Variants in AGBL1 observed in about 807,000 individuals in gnomAD.
AGBL1 encodes cytosolic carboxypeptidase 4.
Under a neutral mutation model 118.9 loss-of-function variants are expected in AGBL1, and 130 were observed. The observed-to-expected ratio is 1.09, with a 90% confidence interval of 0.95 to 1.26. The LOEUF (loss-of-function observed/expected upper bound fraction) is 1.26. AGBL1 is among the 50% of genes most tolerant of loss of function. The pLI is 0.00. For missense variants in AGBL1, 1,584 were observed against 1,298.1 expected (o/e 1.22, Z -3.38); for synonymous variants, 555 against 478.9 (o/e 1.16, Z -2.08).
chr15:86,433,925 C>G (rs1006155200), intron 18 of AGBL1, among the ~76,000 whole-genome samples: 6 of 152,168 alleles, frequency 3.9e-5, no homozygotes, highest in African/African-American at 1.4e-4. Flanking sequence ...TTTACAGAAA[C>G]AAAAGCTATT....
At chr15:86,176,325 C>T (rs946172967) in intron 5 of AGBL1, among the ~76,000 whole-genome samples, 2 of 152,174 alleles carry the variant, frequency 1.3e-5, no homozygotes, top group African/African-American at 2.4e-5. Context: ...GGCTTGTCTT[C>T]AGGCCCCAGG....
intron 24 of AGBL1, among the ~76,000 whole-genome samples, chr15:87,012,946 T>TTTGAC (rs1362851012): frequency 6.6e-6 from 1 of 152,178 alleles, no homozygotes; most frequent in African/African-American, 2.4e-5. Context: ...ATATTTTGTC[T>TTTGAC]TTGACTTGGA....
chr15:86,491,667 G>C (rs2082780461), intron 18 of AGBL1, among the ~76,000 whole-genome samples: 2 of 152,006 alleles, frequency 1.3e-5, no homozygotes, highest in South Asian at 4.1e-4. Flanking sequence ...GGGGTAGAGA[G>C]GTTGATTGGA....
intron 17 of AGBL1, chr15:86,312,254 T>C (rs2079932316): frequency 6.6e-6 from 1 of 152,196 alleles, no homozygotes; most frequent in Non-Finnish European, 1.5e-5. Context: ...CAATTTCCAA[T>C]TTGTTGGTGG....
chr15:87,013,279 G>C (rs1004482123), intron 24 of AGBL1, among the ~76,000 whole-genome samples: 2 of 152,062 alleles, frequency 1.3e-5, no homozygotes, highest in African/African-American at 4.8e-5. Flanking sequence ...AGACAGGAAG[G>C]CTGGATGAAA....
At chr15:86,719,873 A>C (rs547987241) in intron 22 of AGBL1, among the ~76,000 whole-genome samples, 2 of 152,154 alleles carry the variant, frequency 1.3e-5, no homozygotes, top group Non-Finnish European at 2.9e-5. Context: ...TGTGTGTTCA[A>C]TGTCCAGCAC....
At chr15:86,548,619 G>A (rs1461349764) in intron 20 of AGBL1, among the ~76,000 whole-genome samples, 2 of 149,384 alleles carry the variant, frequency 1.3e-5, no homozygotes, top group African/African-American at 4.9e-5. Flanking sequence ...ATCAAGAAAT[G>A]CAGTTTTACC....
At chr15:87,001,775 C>A (rs6496385) in intron 24 of AGBL1, among the ~76,000 whole-genome samples, 1 of 151,898 alleles carries the variant, frequency 6.6e-6, no homozygotes, top group Non-Finnish European at 1.5e-5. Flanking sequence ...GCATAAATGT[C>A]GTCTTTTGAG....
chr15:86,826,612 A>T (rs1011201616), intron 22 of AGBL1, among the ~76,000 whole-genome samples: 11 of 152,096 alleles, frequency 7.2e-5, no homozygotes, highest in Non-Finnish European at 1.0e-4. Flanking sequence ...CTAAAATTTC[A>T]GGTTTTAAAA....
intron 10 of AGBL1, among the ~76,000 whole-genome samples, chr15:86,263,751 T>A (rs2079029573): frequency 6.6e-6 from 1 of 152,204 alleles, no homozygotes; most frequent in Admixed American, 6.5e-5. Context: ...TTGATCTCCA[T>A]TATTTTCTTA....
At chr15:86,841,808 T>C (rs555796664) in intron 22 of AGBL1, among the ~76,000 whole-genome samples, 8 of 152,108 alleles carry the variant, frequency 5.3e-5, no homozygotes, top group Middle Eastern at 3.4e-3. Flanking sequence ...GATGGCACCA[T>C]TGCACTCCAG....
intron 22 of AGBL1, among the ~76,000 whole-genome samples, chr15:86,876,399 G>C (rs1441817483): frequency 1.3e-5 from 2 of 152,064 alleles, no homozygotes; most frequent in Non-Finnish European, 2.9e-5. Flanking sequence ...TGGGAGCCAG[G>C]GGACTGGAGG....
intron 5 of AGBL1, among the ~76,000 whole-genome samples, chr15:86,200,550 ACCC>A (rs60352336): frequency 0.21 from 14,964 of 72,586 alleles, 1,373 homozygotes; most frequent in East Asian, 0.35. Context: ...ATAGACCCCT[ACCC>A]CCCCCCCCCT....
chr15:86,826,948 G>A (rs190928482), intron 22 of AGBL1, among the ~76,000 whole-genome samples: 15 of 151,990 alleles, frequency 9.9e-5, no homozygotes, highest in African/African-American at 3.6e-4. Flanking sequence ...TAATCTGGAT[G>A]TCTCAACCTG....
intron 19 of AGBL1, among the ~76,000 whole-genome samples, chr15:86,529,844 T>C (rs1381312150): frequency 6.8e-6 from 1 of 147,836 alleles, no homozygotes; most frequent in Non-Finnish European, 1.5e-5. Context: ...CAGAATTTCA[T>C]ATCCAGCCAA....
At chr15:86,182,364 A>G (rs146171702) in intron 5 of AGBL1, among the ~76,000 whole-genome samples, 1 of 151,852 alleles carries the variant, frequency 6.6e-6, no homozygotes, top group African/African-American at 2.4e-5. Flanking sequence ...TTTGTTTACA[A>G]CCTGAATAAT....
chr15:86,872,589 A>G (rs1160226633), intron 22 of AGBL1, among the ~76,000 whole-genome samples: 1 of 152,040 alleles, frequency 6.6e-6, no homozygotes, highest in Non-Finnish European at 1.5e-5. Flanking sequence ...CCCTGTCTCT[A>G]CTAAAAATAG....
chr15:86,773,140 A>G (rs1039389810), intron 22 of AGBL1, among the ~76,000 whole-genome samples: 1 of 152,034 alleles, frequency 6.6e-6, no homozygotes, highest in Non-Finnish European at 1.5e-5. Context: ...ATTATTGAGT[A>G]TATACATTGT....
At chr15:86,929,913 C>A (rs1219905234) in intron 23 of AGBL1, among the ~76,000 whole-genome samples, 1 of 152,172 alleles carries the variant, frequency 6.6e-6, no homozygotes, top group Non-Finnish European at 1.5e-5. Flanking sequence ...AGGTTGCCTA[C>A]CTGCCTTTCC....
Sources: allele counts gnomAD v4.1 joint callset (sites outside exome capture counted in the v4.1 genomes callset), GRCh38; gene constraint gnomAD v4.1.1; transcripts MANE v1.5; gene names NCBI Gene and HGNC (gene_info 2026-07-23, HGNC 2026-07-21).